Variants in PTPRO observed in about 807,000 individuals in gnomAD.
PTPRO encodes protein tyrosine phosphatase receptor type O, also known as receptor-type tyrosine-protein phosphatase O.
PTPRO carries 62 observed loss-of-function variants against 145.2 expected under a neutral mutation model. The ratio of observed to expected loss-of-function variants is 0.43; its 90% CI spans 0.35 to 0.53. PTPRO has a LOEUF of 0.53. Ranked by LOEUF, PTPRO falls within the 20% of genes least tolerant of loss-of-function variation. PTPRO has a pLI of 0.01. For synonymous variants in PTPRO, 565 were observed against 514.7 expected, an observed-to-expected ratio of 1.10 and a Z score of -1.32; for missense variants, 1,345 against 1,482.7, an observed-to-expected ratio of 0.91 and a Z score of 1.53.
At chr12:15,529,250 G>T (rs1216825087) in intron 12 of PTPRO, among the ~76,000 whole-genome samples, 1 of 152,170 alleles carries the variant, frequency 6.6e-6, no homozygotes, top group African/African-American at 2.4e-5. Flanking sequence ...AGGCAACAAA[G>T]TCAAAATTGG....
At chr12:15,421,168 C>G (rs1940133995) in intron 1 of PTPRO, among the ~76,000 whole-genome samples, 1 of 152,184 alleles carries the variant, frequency 6.6e-6, no homozygotes, top group Non-Finnish European at 1.5e-5. Flanking sequence ...ACAATGATGA[C>G]TTTCTACATA....
intron 26 of PTPRO, chr12:15,595,377 A>G: frequency 2.9e-6 from 1 of 340,134 alleles, no homozygotes; most frequent in Non-Finnish European, 5.7e-6. Flanking sequence ...TCAGGATACT[A>G]CCATCCAAAT....
intron 18 of PTPRO, among the ~76,000 whole-genome samples, chr12:15,568,697 G>A (rs1180692173): frequency 1.3e-5 from 2 of 152,128 alleles, no homozygotes; most frequent in Admixed American, 6.5e-5. Context: ...AAAAAAAAGT[G>A]AGAACTTCTG....
intron 2 of PTPRO, among the ~76,000 whole-genome samples, chr12:15,491,400 C>T (rs1418187367): frequency 6.6e-6 from 1 of 152,166 alleles, no homozygotes; most frequent in East Asian, 1.9e-4. Context: ...TTTCTTTAAA[C>T]AATATGTGCT....
intron 15 of PTPRO, among the ~76,000 whole-genome samples, chr12:15,554,225 T>C (rs1184085863): frequency 6.6e-6 from 1 of 152,118 alleles, no homozygotes; most frequent in Non-Finnish European, 1.5e-5. Context: ...CCTGGGTTTT[T>C]GGCCCAAGCA....
chr12:15,387,491 C>T (rs1278263432), intron 1 of PTPRO, among the ~76,000 whole-genome samples: 5 of 152,194 alleles, frequency 3.3e-5, no homozygotes, highest in African/African-American at 1.2e-4. Context: ...TTCTCACCCA[C>T]TTGGTGAAAT....
chr12:15,444,462 G>A (rs561250508), intron 1 of PTPRO, among the ~76,000 whole-genome samples: 1 of 151,972 alleles, frequency 6.6e-6, no homozygotes, highest in East Asian at 1.9e-4. Context: ...TAACAAACCT[G>A]TGTATGTACC....
chr12:15,354,739 TC>T (rs1329893314), intron 1 of PTPRO, among the ~76,000 whole-genome samples: 1 of 152,148 alleles, frequency 6.6e-6, no homozygotes, highest in East Asian at 1.9e-4. Context: ...ACATGGTCTT[TC>T]TGGATACTCA....
At position 15,322,583 on chromosome 12, in the gene PTPRO, G is replaced by A. The variant is rs1365417622; in HGVS notation, c.-144G>A. ...CAGAGGAGGAAAGGGAGCAGGCGCA[G>A]GGGGACTGGAAAGGCAGCATGCGCT... On this transcript the variant is annotated 5_prime_UTR_variant, in exon 1 of 27. Coordinates refer to ENST00000281171, the MANE Select transcript of PTPRO (RefSeq NM_030667.3). This position sits in a 1 kb window ranked among gnomAD's most constrained non-coding sequence, Gnocchi z 6.3. The A allele has an allele frequency of 2.8e-6, 2 of 722,620 alleles. No homozygotes were observed. The highest frequency in any genetic ancestry group is 5.0e-6 in the Non-Finnish European group (2 of 400,392). The allele number at this position is 722,620 out of a possible 1,614,324, so 44.8% of individuals were successfully genotyped here. A position where few individuals can be genotyped will look rare whatever the true frequency, so the allele number is the denominator to read the frequency against.
At chr12:15,517,072 G>C in intron 9 of PTPRO, 116 bp downstream of exon 9, 7 of 1,002,770 alleles carry the variant, frequency 7.0e-6, no homozygotes, top group Non-Finnish European at 9.4e-6. Context: ...AATACACATA[G>C]TGTGTTAGTT....
intron 1 of PTPRO, among the ~76,000 whole-genome samples, chr12:15,437,460 G>A (rs898732445): frequency 9.9e-5 from 15 of 150,966 alleles, no homozygotes; most frequent in African/African-American, 3.7e-4. Context: ...TTCACACTCA[G>A]GCAGATCACC....
intron 1 of PTPRO, among the ~76,000 whole-genome samples, chr12:15,371,860 G>A (rs991232187): frequency 2.0e-5 from 3 of 151,894 alleles, no homozygotes; most frequent in Non-Finnish European, 4.4e-5. Context: ...CCCTTCACTC[G>A]GCACTTCTCC....
At chr12:15,456,164 G>T (rs796837337) in intron 1 of PTPRO, among the ~76,000 whole-genome samples, 1 of 152,110 alleles carries the variant, frequency 6.6e-6, no homozygotes. Flanking sequence ...AACTTGTTTA[G>T]AATTTTTATC....
chr12:15,534,707 G>A (rs903015283), intron 12 of PTPRO, among the ~76,000 whole-genome samples: 2 of 152,148 alleles, frequency 1.3e-5, no homozygotes, highest in Non-Finnish European at 2.9e-5. Context: ...GATCTTTTAA[G>A]GCATGCAGTT....
At chr12:15,475,112 C>T (rs776205098) in intron 1 of PTPRO, among the ~76,000 whole-genome samples, 10 of 152,184 alleles carry the variant, frequency 6.6e-5, no homozygotes, top group East Asian at 1.9e-4. Flanking sequence ...TGAAGCATCA[C>T]GACACACATT....
At chr12:15,376,772 A>T (rs1192336783) in intron 1 of PTPRO, among the ~76,000 whole-genome samples, 1 of 152,144 alleles carries the variant, frequency 6.6e-6, no homozygotes, top group Non-Finnish European at 1.5e-5. Flanking sequence ...TCTTTTAAAT[A>T]AAGGCATTAA....
chr12:15,473,768 C>CAAAAAAAAAA (rs11340085), intron 1 of PTPRO, among the ~76,000 whole-genome samples: 3 of 65,568 alleles, frequency 4.6e-5, no homozygotes, highest in African/African-American at 1.8e-4. Context: ...GACTCCATCT[C>CAAAAAAAAAA]AAAAAAAAAA....
chr12:15,404,902 A>G (rs1353267261), intron 1 of PTPRO, among the ~76,000 whole-genome samples: 1 of 152,188 alleles, frequency 6.6e-6, no homozygotes, highest in Admixed American at 6.5e-5. Context: ...TGGAAAGTCC[A>G]AGATCAAGGT....
At position 15,456,413 on chromosome 12, in the gene PTPRO, T is replaced by C. The variant is rs1436072345; in HGVS notation, c.76-27561T>C. ...ATTTTTGCATCTATGTTTATCAGGG[T>C]TATTGGCCTGTAGTTTGCTTTTCTT... is the stretch of plus-strand genomic sequence containing the variant. On this transcript the variant is annotated intron_variant, in intron 1 of 26. Coordinates refer to ENST00000281171, the MANE Select transcript of PTPRO (RefSeq NM_030667.3). 1.3e-5 allele frequency among the ~76,000 whole-genome samples: 2 copies of C among 152,136 alleles called. 1 individual carries two copies. Among genetic ancestry groups the C allele is most frequent in the Middle Eastern group, 6.3e-3 (2 of 316 alleles).
Sources: allele counts gnomAD v4.1 joint callset (sites outside exome capture counted in the v4.1 genomes callset), GRCh38; gene constraint gnomAD v4.1.1; non-coding constraint Gnocchi (gnomAD v3.1); transcripts MANE v1.5; gene names NCBI Gene and HGNC (gene_info 2026-07-23, HGNC 2026-07-21).